The following ASIC2 variants were observed in gnomAD, a reference collection of about 807,000 sequenced individuals.
ASIC2 encodes acid-sensing ion channel 2.
ASIC2 carries 25 observed loss-of-function variants against 57.3 expected under a neutral mutation model. The observed-to-expected ratio is 0.44, with a 90% CI of 0.32 to 0.61. The LOEUF (loss-of-function observed/expected upper bound fraction) is 0.61. Among genes scored for constraint, ASIC2 ranks in the 20% least tolerant of loss-of-function variants. ASIC2 has a pLI of 0.06. For synonymous variants in ASIC2, 319 were observed against 307.5 expected (o/e 1.04, Z -0.39); for missense variants, 641 against 738.1 (o/e 0.87, Z 1.52).
intron 1 of ASIC2, among the ~76,000 whole-genome samples, chr17:33,438,736 C>T (rs1320562117): frequency 6.6e-6 from 1 of 152,018 alleles, no homozygotes. Context: ...TCCCAGGCTC[C>T]TTTGTCGTTA....
At chr17:33,865,140 G>A (rs1914197355) in intron 1 of ASIC2, among the ~76,000 whole-genome samples, 1 of 152,204 alleles carries the variant, frequency 6.6e-6, no homozygotes, top group Non-Finnish European at 1.5e-5. Context: ...GGAGTCAGGG[G>A]ACCTGGGGTG....
chr17:33,401,415 C>T (rs1910283236), intron 1 of ASIC2, among the ~76,000 whole-genome samples: 1 of 152,176 alleles, frequency 6.6e-6, no homozygotes, highest in African/African-American at 2.4e-5. Context: ...TCCTTTGCCT[C>T]CATGCCCTTC....
At position 33,088,928 on chromosome 17, in the gene ASIC2, T is replaced by C; in HGVS notation, c.922A>G (p.Ile308Val). ...QIHSQSEPPFIQELGFGVAPG... is the reference protein window; with the variant it reads ...QIHSQSEPPFVQELGFGVAPG... ...GCCACCCCAAAGCCCAGCTCTTGGA[T>C]GAAAGGTGGCTCAGACTGACTGTGG... is the stretch of plus-strand genomic sequence containing the variant. The change falls in exon 3 of 10, where the codon ATC (isoleucine) becomes GTC (valine). Residue 308 changes from isoleucine (I) to valine (V), a missense_variant. Transcript: ENST00000225823. The C allele has an allele frequency of 6.2e-7, 1 of 1,614,088 alleles. No individual in the cohort carries two copies. Among genetic ancestry groups the C allele is most frequent in the East Asian group, 2.2e-5 (1 of 44,878 alleles).
chr17:33,938,575 A>T (rs563558321), intron 1 of ASIC2, among the ~76,000 whole-genome samples: 38 of 152,320 alleles, frequency 2.5e-4, no homozygotes, highest in Non-Finnish European at 3.8e-4. Context: ...CTTCCTCCAG[A>T]TGAGCTCTAT....
chr17:33,343,358 T>G (rs1907808980), intron 1 of ASIC2, among the ~76,000 whole-genome samples: 1 of 152,244 alleles, frequency 6.6e-6, no homozygotes, highest in Non-Finnish European at 1.5e-5. Context: ...TGATTCTTAA[T>G]AGATTCCACT....
intron 1 of ASIC2, among the ~76,000 whole-genome samples, chr17:33,397,242 A>G (rs1477241738): frequency 6.6e-6 from 1 of 152,234 alleles, no homozygotes; most frequent in Non-Finnish European, 1.5e-5. Context: ...GTGGGATCAG[A>G]GACTATGCCT....
chr17:33,764,216 C>T (rs917912081), intron 1 of ASIC2, among the ~76,000 whole-genome samples: 75 of 151,444 alleles, frequency 5.0e-4, no homozygotes, highest in African/African-American at 1.8e-3. Flanking sequence ...ACTTGGGAGG[C>T]TGAGGAAGGA....
intron 1 of ASIC2, among the ~76,000 whole-genome samples, chr17:33,436,524 C>T (rs1002629074): frequency 2.6e-5 from 4 of 152,152 alleles, no homozygotes; most frequent in Non-Finnish European, 4.4e-5. Flanking sequence ...ACCCAGAGAA[C>T]GACTCAGCAT....
At chr17:33,805,191 A>G (rs1378790869) in intron 1 of ASIC2, among the ~76,000 whole-genome samples, 1 of 151,654 alleles carries the variant, frequency 6.6e-6, no homozygotes, top group Non-Finnish European at 1.5e-5. Flanking sequence ...TCTTCGTCTA[A>G]CTCTTTCAGA....
At chr17:33,640,731 C>T (rs188850697) in intron 1 of ASIC2, among the ~76,000 whole-genome samples, 22 of 152,272 alleles carry the variant, frequency 1.4e-4, no homozygotes, top group East Asian at 1.4e-3. Flanking sequence ...TCCCATTCTG[C>T]GGTGTGGAGT....
At chr17:33,344,465 T>C (rs1366542624) in intron 1 of ASIC2, among the ~76,000 whole-genome samples, 2 of 152,174 alleles carry the variant, frequency 1.3e-5, no homozygotes, top group African/African-American at 4.8e-5. Context: ...TGGAATCAGC[T>C]TCTAGTGAAG....
chr17:33,748,048 G>A (rs993305138), intron 1 of ASIC2, among the ~76,000 whole-genome samples: 8 of 152,252 alleles, frequency 5.3e-5, no homozygotes, highest in African/African-American at 9.6e-5. Flanking sequence ...CAAGGCTTGC[G>A]AAGGTTAAGC....
intron 2 of ASIC2, among the ~76,000 whole-genome samples, chr17:33,103,049 C>T (rs533191856): frequency 1.7e-3 from 265 of 152,322 alleles, no homozygotes; most frequent in Non-Finnish European, 2.4e-3. Context: ...TCCCAAAGTG[C>T]TGGTATTACA....
chr17:33,213,742 C>G (rs2142090730), intron 1 of ASIC2, among the ~76,000 whole-genome samples: 1 of 152,268 alleles, frequency 6.6e-6, no homozygotes, highest in African/African-American at 2.4e-5. Flanking sequence ...GATGTTCCAG[C>G]TGCCAATCTC....
chr17:33,978,507 C>T (rs899017441), intron 1 of ASIC2, among the ~76,000 whole-genome samples: 1 of 152,258 alleles, frequency 6.6e-6, no homozygotes, highest in Admixed American at 6.5e-5. Context: ...GTCCAGGTTA[C>T]TTTCCTATAC....
intron 1 of ASIC2, among the ~76,000 whole-genome samples, chr17:34,020,800 C>A (rs745495305): frequency 5.5e-4 from 83 of 152,218 alleles, no homozygotes; most frequent in Non-Finnish European, 1.1e-3. Context: ...GTGATTTCAG[C>A]ATCCTGAAAC....
chr17:34,087,081 T>G (rs188805590), intron 1 of ASIC2, among the ~76,000 whole-genome samples: 1 of 152,176 alleles, frequency 6.6e-6, no homozygotes. Flanking sequence ...ATCCTGTCAT[T>G]ATGATGTTAG....
chr17:33,390,114 A>C (rs1909837078), intron 1 of ASIC2, among the ~76,000 whole-genome samples: 1 of 151,988 alleles, frequency 6.6e-6, no homozygotes, highest in African/African-American at 2.4e-5. Flanking sequence ...GGAGTTTGAG[A>C]CTGGCCTGGC....
intron 1 of ASIC2, among the ~76,000 whole-genome samples, chr17:33,123,171 C>T (rs11658301): frequency 0.19 from 29,519 of 152,110 alleles, 2,949 homozygotes; most frequent in East Asian, 0.27. Context: ...AATCAATATG[C>T]TGAAGAGATG....
Sources: allele counts gnomAD v4.1 joint callset (sites outside exome capture counted in the v4.1 genomes callset), GRCh38; gene constraint gnomAD v4.1.1; transcripts MANE v1.5; gene names NCBI Gene and HGNC (gene_info 2026-07-23, HGNC 2026-07-21).